Variants in NXPH1 observed in about 807,000 individuals in gnomAD.
The protein encoded by NXPH1 is neurexophilin 1, also known as neurexophilin-1.
A neutral mutation model predicts 23.7 loss-of-function variants in NXPH1; 5 were observed. The ratio of observed to expected loss-of-function variants is 0.21; its 90% CI spans 0.11 to 0.44. NXPH1 has a LOEUF of 0.44. Ranked by LOEUF, NXPH1 falls within the 20% of genes least tolerant of loss-of-function variation. The pLI is 0.99. For synonymous variants in NXPH1, 144 were observed against 122.2 expected (o/e 1.18, Z -1.18); for missense variants, 324 against 321.6 (o/e 1.01, Z -0.06).
At chr7:8,747,639 G>A (rs1261816845) in intron 2 of NXPH1, among the ~76,000 whole-genome samples, 6 of 152,150 alleles carry the variant, frequency 3.9e-5, no homozygotes, top group African/African-American at 9.7e-5. Context: ...CCAGGCAAAA[G>A]CCAGAGAAGA....
intron 2 of NXPH1, among the ~76,000 whole-genome samples, chr7:8,566,768 C>G (rs1818554809): frequency 6.6e-6 from 1 of 151,810 alleles, no homozygotes; most frequent in Admixed American, 6.6e-5. Context: ...ACAGAGTCTC[C>G]AGCTTACAGG....
At chr7:8,626,968 C>G (rs1820005127) in intron 2 of NXPH1, among the ~76,000 whole-genome samples, 1 of 152,242 alleles carries the variant, frequency 6.6e-6, no homozygotes, top group East Asian at 1.9e-4. Flanking sequence ...CAAAGAGCCT[C>G]TCTGGGTGTT....
In NXPH1 at chr7:8,479,903, G is replaced by GA. The variant is rs1248349728; in HGVS notation, c.54+44138dup. 3.3e-5 allele frequency among the ~76,000 whole-genome samples: 5 copies of GA among 152,228 alleles called. No homozygotes were observed. The East Asian group carries it at 5.8e-4, about 18-fold the overall frequency. ...CTAGTTACCTTCAGAAGACGCAAGA[G>GA]AACTAGTTCGTTGTCTTGAAAATGG... On this transcript the variant is annotated intron_variant, in intron 2 of 2. Coordinates refer to ENST00000405863, the MANE Select transcript of NXPH1 (RefSeq NM_152745.3).
In NXPH1 at chr7:8,435,417, T is replaced by G. The variant is rs1242183520; in HGVS notation, c.-110-187T>G. On this transcript the variant is annotated intron_variant, in intron 1 of 2. Transcript: ENST00000405863. This position sits in a 1 kb window ranked among gnomAD's most constrained non-coding sequence, Gnocchi z 5.9. Reference sequence around the variant, plus strand: ...CCTCCCTCTCGTCCGCCCGCCCGCCTCCCCAGCTGCGGACCGCGCGCTTGC... The same window carrying G: ...CCTCCCTCTCGTCCGCCCGCCCGCCGCCCCAGCTGCGGACCGCGCGCTTGC... 2.0e-6 allele frequency: 1 copy of G among 488,966 alleles called. No homozygotes were observed. Among genetic ancestry groups the G allele is most frequent in the East Asian group, 3.9e-5 (1 of 25,936 alleles). The allele number at this position is 488,966 out of a possible 1,614,324, so 30.3% of individuals were successfully genotyped here.
At chr7:8,561,351 G>GACACACACAC (rs61219039) in intron 2 of NXPH1, among the ~76,000 whole-genome samples, 59,052 of 140,580 alleles carry the variant, frequency 0.42, 12,620 homozygotes, top group East Asian at 0.46. Flanking sequence ...AAGCCTATGT[G>GACACACACAC]ACACACACAC....
At chr7:8,497,392 G>A (rs1156559868) in intron 2 of NXPH1, among the ~76,000 whole-genome samples, 1 of 152,160 alleles carries the variant, frequency 6.6e-6, no homozygotes, top group Non-Finnish European at 1.5e-5. Flanking sequence ...TGGGATGGCT[G>A]GGTCAAATGG....
intron 2 of NXPH1, among the ~76,000 whole-genome samples, chr7:8,682,309 A>G (rs934655501): frequency 8.5e-5 from 13 of 152,318 alleles, no homozygotes; most frequent in African/African-American, 3.1e-4. Context: ...AGGAAGATGC[A>G]TTCTGACTTC....
At chr7:8,602,092 C>T (rs1203400089) in intron 2 of NXPH1, among the ~76,000 whole-genome samples, 1 of 152,138 alleles carries the variant, frequency 6.6e-6, no homozygotes, top group Non-Finnish European at 1.5e-5. Context: ...TTTAAGAGTA[C>T]AAACACCAGT....
chr7:8,574,760 T>C (rs1818720457), intron 2 of NXPH1, among the ~76,000 whole-genome samples: 1 of 152,128 alleles, frequency 6.6e-6, no homozygotes, highest in Non-Finnish European at 1.5e-5. Flanking sequence ...ACATCCCTTC[T>C]CAATTCGAAA....
chr7:8,493,707 C>T (rs574944662), intron 2 of NXPH1, among the ~76,000 whole-genome samples: 1 of 152,132 alleles, frequency 6.6e-6, no homozygotes, highest in South Asian at 2.1e-4. Context: ...TATCTGTGAT[C>T]AGAAAGATTG....
chr7:8,453,764 A>T (rs1284269025), intron 2 of NXPH1, among the ~76,000 whole-genome samples: 1 of 152,072 alleles, frequency 6.6e-6, no homozygotes, highest in Admixed American at 6.6e-5. Context: ...GTTCTTTTTT[A>T]TGGCTGCATA....
chr7:8,584,892 C>T (rs778233137), intron 2 of NXPH1, among the ~76,000 whole-genome samples: 1 of 152,152 alleles, frequency 6.6e-6, no homozygotes, highest in Non-Finnish European at 1.5e-5. Context: ...ACATTTCTGT[C>T]TCATTTAGAC....
intron 2 of NXPH1, among the ~76,000 whole-genome samples, chr7:8,740,331 GC>G (rs1368538439): frequency 2.0e-5 from 3 of 152,172 alleles, no homozygotes; most frequent in Non-Finnish European, 2.9e-5. Context: ...TAGATAGCTT[GC>G]CATTGTTTGG....
intron 2 of NXPH1, among the ~76,000 whole-genome samples, chr7:8,687,633 T>G (rs1274981774): frequency 1.3e-5 from 2 of 152,130 alleles, no homozygotes; most frequent in Non-Finnish European, 2.9e-5. Flanking sequence ...GCAAAGTGAT[T>G]TGGGGCAAGA....
chr7:8,645,768 A>T (rs1260402889), intron 2 of NXPH1, among the ~76,000 whole-genome samples: 1 of 152,038 alleles, frequency 6.6e-6, no homozygotes, highest in South Asian at 2.1e-4. Flanking sequence ...GTACATTACG[A>T]TGTAGTAACA....
chr7:8,744,071 G>T (rs1780426745), intron 2 of NXPH1, among the ~76,000 whole-genome samples: 1 of 152,118 alleles, frequency 6.6e-6, no homozygotes, highest in Non-Finnish European at 1.5e-5. Context: ...TCTGTCCTAG[G>T]TATGCTCCTT....
intron 2 of NXPH1, among the ~76,000 whole-genome samples, chr7:8,514,906 A>G (rs1165112819): frequency 6.6e-6 from 1 of 152,144 alleles, no homozygotes; most frequent in Non-Finnish European, 1.5e-5. Flanking sequence ...CTTAGTTTCC[A>G]AATGTTTTAC....
At chr7:8,538,078 T>C (rs1211383640) in intron 2 of NXPH1, among the ~76,000 whole-genome samples, 1 of 151,866 alleles carries the variant, frequency 6.6e-6, no homozygotes, top group Non-Finnish European at 1.5e-5. Context: ...ATAATAGTAA[T>C]GATAAAAAGA....
chr7:8,446,572 G>A (rs780721492), intron 2 of NXPH1, among the ~76,000 whole-genome samples: 1 of 152,176 alleles, frequency 6.6e-6, no homozygotes, highest in East Asian at 1.9e-4. Flanking sequence ...TAATAAAAAT[G>A]AGGCTTTTTG....
Sources: allele counts gnomAD v4.1 joint callset (sites outside exome capture counted in the v4.1 genomes callset), GRCh38; gene constraint gnomAD v4.1.1; non-coding constraint Gnocchi (gnomAD v3.1); transcripts MANE v1.5; gene names NCBI Gene and HGNC (gene_info 2026-07-23, HGNC 2026-07-21).